ACSM6: variants seen among roughly 807,000 people sequenced by gnomAD.
ACSM6 encodes acyl-coenzyme A synthetase ACSM6, mitochondrial.
In ACSM6, 35 loss-of-function variants were observed where a neutral mutation model predicts 51.1. The observed-to-expected ratio is 0.69, with a 90% CI of 0.52 to 0.91. ACSM6 has a LOEUF of 0.91. ACSM6 is among the 40% of genes least tolerant of loss of function. The pLI is 0.00. For synonymous variants in ACSM6, 172 were observed against 207.3 expected, an observed-to-expected ratio of 0.83 and a Z score of 1.46; for missense variants, 509 against 584.1, an observed-to-expected ratio of 0.87 and a Z score of 1.32.
intron 8 of ACSM6, among the ~76,000 whole-genome samples, chr10:95,219,611 T>TA (rs2034975736): frequency 6.6e-6 from 1 of 152,320 alleles, no homozygotes; most frequent in African/African-American, 2.4e-5. Flanking sequence ...TTTGTTATTT[T>TA]AAAAAACTGA....
chr10:95,210,727 C>T (rs1263914103), exon 5 of ACSM6: 1 of 1,614,020 alleles, frequency 6.2e-7, no homozygotes, highest in East Asian at 2.2e-5. Flanking sequence ...AAGGGTACAA[C>T]AGGAGCTCCC....
intron 10 of ACSM6, 48 bp from the exon 11 acceptor site, chr10:95,228,595 AT>A (rs1390727371): frequency 6.5e-7 from 1 of 1,529,778 alleles, no homozygotes. Context: ...TCACTAAATG[AT>A]TGTGAGAGGG....
At chr10:95,196,674 T>C (rs1314219053) in intron 2 of ACSM6, among the ~76,000 whole-genome samples, 3 of 152,264 alleles carry the variant, frequency 2.0e-5, no homozygotes, top group African/African-American at 4.8e-5. Context: ...CTTGACTTGT[T>C]ACTTGCTGTT....
intron 9 of ACSM6, among the ~76,000 whole-genome samples, chr10:95,224,035 AAC>A (rs1343012234): frequency 6.6e-6 from 1 of 152,218 alleles, no homozygotes; most frequent in Non-Finnish European, 1.5e-5. Flanking sequence ...AAATTAATAG[AAC>A]AATCTCATTG....
chr10:95,224,839 T>C (rs997362360), intron 9 of ACSM6, among the ~76,000 whole-genome samples: 9 of 152,252 alleles, frequency 5.9e-5, no homozygotes, highest in Non-Finnish European at 1.3e-4. Context: ...TTTATATTTC[T>C]TTTCTTATAC....
At chr10:95,199,501 G>A (rs1355901516) in intron 2 of ACSM6, among the ~76,000 whole-genome samples, 2 of 151,960 alleles carry the variant, frequency 1.3e-5, no homozygotes, top group Non-Finnish European at 1.5e-5. Flanking sequence ...ATTGACAAAT[G>A]GGATCTAATT....
At chr10:95,219,852 C>CT (rs761216491) in intron 8 of ACSM6, 39 bp from the exon 9 acceptor site, 1 of 1,522,614 alleles carries the variant, frequency 6.6e-7, no homozygotes, top group East Asian at 2.3e-5. Context: ...TAATTTATTG[C>CT]TTTTTTAAAG....
At chr10:95,194,295 T>C (rs1237629078) in exon 1 of ACSM6, 2 of 535,428 alleles carry the variant, frequency 3.7e-6, no homozygotes, top group Non-Finnish European at 6.5e-6. Flanking sequence ...GAAACTCCTC[T>C]TGGAATTGGT....
intron 7 of ACSM6, among the ~76,000 whole-genome samples, chr10:95,213,638 A>C (rs185241326): frequency 1.3e-5 from 2 of 152,292 alleles, no homozygotes; most frequent in East Asian, 3.9e-4. Context: ...AGATAGTTGA[A>C]TCTTTTCTAA....
chr10:95,205,948 C>T (rs933849065), intron 3 of ACSM6, among the ~76,000 whole-genome samples: 1 of 152,186 alleles, frequency 6.6e-6, no homozygotes, highest in African/African-American at 2.4e-5. Flanking sequence ...CAGTGAGTAA[C>T]TCGAATTAGA....
chr10:95,198,496 A>G (rs946473794), intron 2 of ACSM6, among the ~76,000 whole-genome samples: 12 of 152,120 alleles, frequency 7.9e-5, no homozygotes, highest in Non-Finnish European at 1.0e-4. Context: ...ACTAAAGTAC[A>G]AAAAATTAGC....
intron 8 of ACSM6, among the ~76,000 whole-genome samples, chr10:95,216,136 GT>G (rs753899243): frequency 2.0e-5 from 3 of 152,022 alleles, no homozygotes; most frequent in Admixed American, 6.6e-5. Flanking sequence ...GACTTGCTAT[GT>G]TGCCCAGACT....
intron 3 of ACSM6, among the ~76,000 whole-genome samples, chr10:95,205,551 G>C (rs535382356): frequency 6.6e-6 from 1 of 152,202 alleles, no homozygotes; most frequent in East Asian, 1.9e-4. Flanking sequence ...CATCACCTTG[G>C]AGTTTAGAAT....
chr10:95,213,199 C>G (rs2034912414), intron 7 of ACSM6, among the ~76,000 whole-genome samples: 1 of 152,112 alleles, frequency 6.6e-6, no homozygotes, highest in African/African-American at 2.4e-5. Flanking sequence ...AATTATACCT[C>G]CCTTTAAAAA....
At chr10:95,202,489 C>A (rs1296996949) in intron 3 of ACSM6, among the ~76,000 whole-genome samples, 1 of 152,136 alleles carries the variant, frequency 6.6e-6, no homozygotes, top group Non-Finnish European at 1.5e-5. Flanking sequence ...AGTAAATAAT[C>A]CACAGAGCGC....
At chr10:95,201,121 TA>T (rs1209765625) in intron 2 of ACSM6, among the ~76,000 whole-genome samples, 1 of 152,176 alleles carries the variant, frequency 6.6e-6, no homozygotes, top group African/African-American at 2.4e-5. Context: ...TCCTATCCGC[TA>T]GGAGGAGGGC....
chr10:95,215,026 A>G, intron 8 of ACSM6, 51 bp downstream of exon 8: 1 of 1,545,944 alleles, frequency 6.5e-7, no homozygotes, highest in Non-Finnish European at 8.7e-7. Flanking sequence ...TTGCCCATTC[A>G]CTGTGTAAGC....
chr10:95,221,630 C>A (rs509736), intron 9 of ACSM6, among the ~76,000 whole-genome samples: 80,104 of 151,960 alleles, frequency 0.53, 22,025 homozygotes, highest in Middle Eastern at 0.66. Context: ...CAAAATAGAC[C>A]ACTTAGAAAA....
intron 2 of ACSM6, among the ~76,000 whole-genome samples, chr10:95,198,908 A>G (rs966241772): frequency 3.3e-5 from 5 of 152,158 alleles, no homozygotes; most frequent in Non-Finnish European, 7.4e-5. Flanking sequence ...AATCAATATC[A>G]TGAAAATGGC....
Sources: allele counts gnomAD v4.1 joint callset (sites outside exome capture counted in the v4.1 genomes callset), GRCh38; gene constraint gnomAD v4.1.1; transcripts MANE v1.5; gene names NCBI Gene and HGNC (gene_info 2026-07-23, HGNC 2026-07-21).